The following IQCJ variants were observed in gnomAD, a reference collection of about 807,000 sequenced individuals.
IQCJ encodes IQ domain-containing protein J.
A neutral mutation model predicts 11.0 loss-of-function variants in IQCJ; 9 were observed. The ratio of observed to expected loss-of-function variants is 0.82; its 90% CI spans 0.49 to 1.43. The LOEUF is 1.43. IQCJ is among the 40% of genes most tolerant of loss of function. The probability of loss-of-function intolerance (pLI) is 0.00; values close to 1 mark genes in which losing one functional copy is unlikely to be tolerated. For missense variants in IQCJ, 146 were observed against 133.2 expected, an observed-to-expected ratio of 1.10 and a Z score of -0.47; for synonymous variants, 55 against 51.3, an observed-to-expected ratio of 1.07 and a Z score of -0.31.
chr3:159,095,115 C>A (rs1474788094), intron 1 of IQCJ, among the ~76,000 whole-genome samples: 5 of 151,766 alleles, frequency 3.3e-5, no homozygotes, highest in East Asian at 1.9e-4. Flanking sequence ...TACTGTAGTT[C>A]TTAATTTCTT....
chr3:159,200,973 T>C (rs1724297018), intron 1 of IQCJ, among the ~76,000 whole-genome samples: 2 of 151,956 alleles, frequency 1.3e-5, no homozygotes, highest in African/African-American at 4.8e-5. Context: ...ATGAGAAGTT[T>C]CCCTGTATAG....
At chr3:159,083,740 A>G (rs1053911609) in intron 1 of IQCJ, among the ~76,000 whole-genome samples, 6 of 152,282 alleles carry the variant, frequency 3.9e-5, no homozygotes, top group Middle Eastern at 3.4e-3. Flanking sequence ...GGTTAGTCAA[A>G]CTGTGGTGTG....
chr3:159,161,716 A>G (rs977506779), intron 1 of IQCJ, among the ~76,000 whole-genome samples: 4 of 152,176 alleles, frequency 2.6e-5, no homozygotes, highest in African/African-American at 9.7e-5. Context: ...TATAAGGTGT[A>G]AGGAAGGGAT....
At chr3:159,124,030 T>C (rs1015401488) in intron 1 of IQCJ, among the ~76,000 whole-genome samples, 2 of 152,190 alleles carry the variant, frequency 1.3e-5, no homozygotes, top group African/African-American at 4.8e-5. Context: ...TTGTGTCTCA[T>C]ACTATGTATC....
At chr3:159,264,527 G>A (rs1434468755), downstream of IQCJ, among the ~76,000 whole-genome samples, 1 of 152,102 alleles carries the variant, frequency 6.6e-6, no homozygotes, top group East Asian at 1.9e-4. Context: ...TGAATTGGGG[G>A]TGCATCCTGT....
In IQCJ at chr3:159,262,610, C is replaced by A. The variant is rs879081010; in HGVS notation, c.218C>A (p.Ser73Tyr). 2 of 1,613,986 alleles carry A rather than the reference C, an allele frequency of 1.2e-6. No individual in the cohort carries two copies. Among genetic ancestry groups the A allele is most frequent in the Non-Finnish European group, 8.5e-7 (1 of 1,179,864 alleles). Residue 73 changes from serine to tyrosine, a missense_variant, in exon 4 of 4, where the codon TCC (serine) becomes TAC (tyrosine). By Grantham distance (144) the Ser-to-Tyr change is moderately radical. Transcript: ENST00000397832. The part of the protein sequence containing the change: ...RQEPLGKRSP[S>Y]PPSVSSEKLS... ...GAGCCCCTGGGGAAGAGGAGCCCGT[C>A]CCCACCCTCTGTCTCCTCAGAGAAG...
chr3:159,173,616 A>C (rs1722617345), intron 1 of IQCJ, among the ~76,000 whole-genome samples: 1 of 152,152 alleles, frequency 6.6e-6, no homozygotes, highest in Non-Finnish European at 1.5e-5. Context: ...AGAGTAGAGA[A>C]TTCTAGATTT....
chr3:159,265,239 A>C, downstream of IQCJ: 1 of 1,613,722 alleles, frequency 6.2e-7, no homozygotes. Context: ...TGTTGGGAAG[A>C]TTCATCCTTA....
At chr3:159,231,378 TC>T (rs964105266) in intron 1 of IQCJ, among the ~76,000 whole-genome samples, 37 of 152,292 alleles carry the variant, frequency 2.4e-4, no homozygotes, top group African/African-American at 8.4e-4. Flanking sequence ...TCTTGTTTCT[TC>T]CCCCCACATC....
intron 1 of IQCJ, among the ~76,000 whole-genome samples, chr3:159,105,862 G>GT (rs924453947): frequency 2.0e-5 from 3 of 152,170 alleles, no homozygotes; most frequent in African/African-American, 7.2e-5. Context: ...GGATATCATC[G>GT]TAAGTGTAGC....
intron 1 of IQCJ, among the ~76,000 whole-genome samples, chr3:159,113,653 G>A (rs57011534): frequency 6.6e-6 from 1 of 152,348 alleles, no homozygotes; most frequent in African/African-American, 2.4e-5. Context: ...GTAACAGGCT[G>A]AGATAGTAAT....
At chr3:159,256,423 T>G (rs1727900809) in intron 3 of IQCJ, among the ~76,000 whole-genome samples, 1 of 152,186 alleles carries the variant, frequency 6.6e-6, no homozygotes, top group Admixed American at 6.5e-5. Flanking sequence ...TAAAGATGTT[T>G]AGTAAACCCT....
chr3:159,157,940 C>G (rs1408623098), intron 1 of IQCJ, among the ~76,000 whole-genome samples: 1 of 152,020 alleles, frequency 6.6e-6, no homozygotes, highest in Non-Finnish European at 1.5e-5. Flanking sequence ...TTTATTTAAC[C>G]AATTCCCTAC....
chr3:159,147,917 T>C (rs1721006810), intron 1 of IQCJ, among the ~76,000 whole-genome samples: 1 of 152,196 alleles, frequency 6.6e-6, no homozygotes, highest in Non-Finnish European at 1.5e-5. Flanking sequence ...TGCTAAGATA[T>C]TCATTTATAA....
At chr3:159,217,428 A>C (rs1725294480) in intron 1 of IQCJ, among the ~76,000 whole-genome samples, 1 of 152,196 alleles carries the variant, frequency 6.6e-6, no homozygotes, top group South Asian at 2.1e-4. Flanking sequence ...GCACTTAATC[A>C]TAGTGGCATG....
chr3:159,241,396 G>A (rs550801011), intron 1 of IQCJ, among the ~76,000 whole-genome samples: 2 of 151,780 alleles, frequency 1.3e-5, no homozygotes, highest in African/African-American at 2.4e-5. Flanking sequence ...GTGACAGAGT[G>A]ACACTCTGTC....
At chr3:159,083,290 T>C (rs1046394882) in intron 1 of IQCJ, among the ~76,000 whole-genome samples, 12 of 152,258 alleles carry the variant, frequency 7.9e-5, no homozygotes, top group Non-Finnish European at 1.6e-4. Flanking sequence ...CTTTTGGAAA[T>C]TGGACAAAAT....
chr3:159,088,303 T>C (rs1238052331), intron 1 of IQCJ, among the ~76,000 whole-genome samples: 1 of 152,154 alleles, frequency 6.6e-6, no homozygotes, highest in Non-Finnish European at 1.5e-5. Context: ...ATAATTTCTG[T>C]TCTTTTACAT....
chr3:159,190,426 G>A (rs1315421166), intron 1 of IQCJ, among the ~76,000 whole-genome samples: 1 of 152,218 alleles, frequency 6.6e-6, no homozygotes, highest in African/African-American at 2.4e-5. Flanking sequence ...AGTCTCATTA[G>A]GGAATGCATT....
Sources: gnomAD v4.1 joint callset for allele counts (sites outside exome capture counted in the v4.1 genomes callset) on GRCh38, gnomAD v4.1.1 for gene constraint, MANE v1.5 for transcripts, NCBI Gene and HGNC (gene_info 2026-07-23, HGNC 2026-07-21) for gene names.